The following HDGFL3 variants were observed in gnomAD, a reference collection of about 807,000 sequenced individuals.
HDGFL3 encodes the protein HDGF like 3.
Under a neutral mutation model 27.6 loss-of-function variants are expected in HDGFL3, and 6 were observed. The ratio of observed to expected loss-of-function variants is 0.22; its 90% CI spans 0.12 to 0.43. The LOEUF is 0.43. Among genes scored for constraint, HDGFL3 ranks in the 20% least tolerant of loss-of-function variants. HDGFL3 has a pLI of 1.00. For missense variants in HDGFL3, 207 were observed against 250.1 expected (o/e 0.83, Z 1.16); for synonymous variants, 88 against 88.9 (o/e 0.99, Z 0.05).
Position 83,134,764 on chromosome 15 carries a change from A to G in HDGFL3, c.*4506T>C, listed in dbSNP as rs915383498. 6.6e-6 allele frequency: 1 copy of G among 152,246 alleles called. No individual in the cohort carries two copies. The highest frequency in any genetic ancestry group is 1.5e-5 in the Non-Finnish European group (1 of 68,058). The allele number at this position is 152,246 out of a possible 1,614,324, so 9.4% of individuals were successfully genotyped here. On this transcript the variant is annotated 3_prime_UTR_variant, in exon 6 of 6. Transcript: ENST00000299633. ...GAACCACCAAACCCAGATTTCTGAG[A>G]ACCAGGGATCAAATGTGGCTTCCAG...
chr15:83,206,916 G>C (rs908555721), intron 1 of HDGFL3, among the ~76,000 whole-genome samples: 96 of 152,084 alleles, frequency 6.3e-4, no homozygotes, highest in African/African-American at 2.2e-3. Flanking sequence ...TCGCCGGCTC[G>C]CGGACAGCCG....
At chr15:83,173,162 T>C (rs1009814144) in intron 1 of HDGFL3, among the ~76,000 whole-genome samples, 1 of 152,228 alleles carries the variant, frequency 6.6e-6, no homozygotes, top group South Asian at 2.1e-4. Flanking sequence ...TGACTTATAA[T>C]GGTTTGACTT....
intron 3 of HDGFL3, among the ~76,000 whole-genome samples, chr15:83,119,190 T>C (rs148119321): frequency 6.5e-4 from 99 of 152,364 alleles, no homozygotes; most frequent in African/African-American, 2.3e-3. Context: ...CCACTGGTTC[T>C]GGAAAGCAGG....
intron 3 of HDGFL3, among the ~76,000 whole-genome samples, chr15:83,121,450 A>G (rs975800125): frequency 6.6e-6 from 1 of 152,208 alleles, no homozygotes; most frequent in African/African-American, 2.4e-5. Context: ...AACATGGGGT[A>G]CATGTCACTT....
intron 1 of HDGFL3, among the ~76,000 whole-genome samples, chr15:83,168,442 A>T (rs558041717): frequency 6.6e-6 from 1 of 152,346 alleles, no homozygotes; most frequent in African/African-American, 2.4e-5. Flanking sequence ...GATCCAAATA[A>T]GCACAATCGG....
intron 1 of HDGFL3, among the ~76,000 whole-genome samples, chr15:83,183,059 T>C (rs1053115456): frequency 6.6e-6 from 1 of 152,224 alleles, no homozygotes; most frequent in Non-Finnish European, 1.5e-5. Flanking sequence ...AGACTAGTGT[T>C]AACAAATTGG....
chr15:83,122,997 TG>T, downstream of HDGFL3: 1 of 1,149,314 alleles, frequency 8.7e-7, no homozygotes, highest in Non-Finnish European at 1.2e-6. Flanking sequence ...ATCCAAACAG[TG>T]CGACTGTTTT....
intron 1 of HDGFL3, among the ~76,000 whole-genome samples, chr15:83,198,072 A>AAAAAAAAAAAAAAAAC (rs2037594712): frequency 6.6e-6 from 1 of 150,868 alleles, no homozygotes; most frequent in East Asian, 1.9e-4. Flanking sequence ...AAAAAAAAAA[A>AAAAAAAAAAAAAAAAC]AAGAAGCCAA....
At chr15:83,126,796 G>C (rs1356161754), downstream of HDGFL3, 1 of 1,613,610 alleles carries the variant, frequency 6.2e-7, no homozygotes, top group African/African-American at 1.3e-5. Flanking sequence ...GATTATATAC[G>C]CAATTTCAAG....
At chr15:83,113,194 T>C (rs1165132157) in exon 4 of HDGFL3, 2 of 467,648 alleles carry the variant, frequency 4.3e-6, no homozygotes, top group Non-Finnish European at 3.9e-6. Context: ...ACTCTCATGC[T>C]AGCTCCTTCC....
intron 1 of HDGFL3, among the ~76,000 whole-genome samples, chr15:83,169,046 CAGAA>C (rs1287902728): frequency 1.3e-5 from 2 of 152,102 alleles, no homozygotes; most frequent in African/African-American, 2.4e-5. Flanking sequence ...TCAAAAGACT[CAGAA>C]AGAGCTTTTG....
intron 4 of HDGFL3, among the ~76,000 whole-genome samples, chr15:83,152,112 C>A (rs936547910): frequency 6.6e-6 from 1 of 152,204 alleles, no homozygotes; most frequent in African/African-American, 2.4e-5. Flanking sequence ...TTCTACACTT[C>A]CTCTTTGAGA....
At chr15:83,188,901 A>G (rs2037477623) in intron 1 of HDGFL3, among the ~76,000 whole-genome samples, 1 of 152,156 alleles carries the variant, frequency 6.6e-6, no homozygotes, top group Admixed American at 6.5e-5. Context: ...AACTCTTAAC[A>G]TCTTGTGGCC....
At chr15:83,200,945 T>C (rs1258510119) in intron 1 of HDGFL3, among the ~76,000 whole-genome samples, 1 of 151,638 alleles carries the variant, frequency 6.6e-6, no homozygotes, top group Non-Finnish European at 1.5e-5. Context: ...AATTCTTATC[T>C]AGGTAAAAAG....
At chr15:83,192,410 A>G (rs2037522314) in intron 1 of HDGFL3, 2 of 420,684 alleles carry the variant, frequency 4.8e-6, no homozygotes, top group Non-Finnish European at 9.4e-6. Context: ...GTAGGAAGAA[A>G]ATACCAATAT....
chr15:83,127,280 G>T, downstream of HDGFL3: 1 of 1,398,250 alleles, frequency 7.2e-7, no homozygotes, highest in Non-Finnish European at 9.5e-7. Context: ...AGATGAAAAT[G>T]TTTACTTTTT....
intron 4 of HDGFL3, among the ~76,000 whole-genome samples, chr15:83,152,990 CTTTTTTTTT>C (rs920789734): frequency 8.8e-6 from 1 of 113,314 alleles, no homozygotes; most frequent in African/African-American, 3.2e-5. Flanking sequence ...ATACGCAGTT[CTTTTTTTTT>C]TTTTTTTTTT....
chr15:83,126,583 C>T (rs1324026666), downstream of HDGFL3, among the ~76,000 whole-genome samples: 1 of 152,158 alleles, frequency 6.6e-6, no homozygotes, highest in Non-Finnish European at 1.5e-5. Flanking sequence ...TTTGCTTAGT[C>T]TCCTTAGAAC....
At chr15:83,119,859 G>A in intron 3 of HDGFL3, 2 of 935,298 alleles carry the variant, frequency 2.1e-6, no homozygotes, top group East Asian at 2.7e-5. Context: ...TTTTGAATAT[G>A]TCCTTCTGAA....
Sources: allele counts gnomAD v4.1 joint callset (sites outside exome capture counted in the v4.1 genomes callset), GRCh38; gene constraint gnomAD v4.1.1; transcripts MANE v1.5; gene names NCBI Gene and HGNC (gene_info 2026-07-23, HGNC 2026-07-21).